Variants in PCLO observed in about 807,000 individuals in gnomAD.
PCLO encodes piccolo presynaptic cytomatrix protein, also known as protein piccolo.
Under a neutral mutation model 427.5 loss-of-function variants are expected in PCLO, and 82 were observed. That is an observed-to-expected ratio of 0.19 (90% CI 0.16 to 0.23). The LOEUF is 0.23. PCLO is among the 10% of genes least tolerant of loss of function. The pLI is 1.00. For missense variants in PCLO, 6,239 were observed against 6,115.9 expected, an observed-to-expected ratio of 1.02 and a Z score of -0.67; for synonymous variants, 2,357 against 2,155.4, an observed-to-expected ratio of 1.09 and a Z score of -2.59.
At chr7:83,001,126 T>G (rs1276138364) in intron 3 of PCLO, among the ~76,000 whole-genome samples, 3 of 152,050 alleles carry the variant, frequency 2.0e-5, no homozygotes, top group Admixed American at 2.0e-4. Context: ...TAACATCAAA[T>G]AAAATAAAAA....
Position 82,902,710 on chromosome 7 carries a change from T to C in PCLO, c.13469A>G (p.Tyr4490Cys). The change falls in exon 9 of 25, where the codon TAC (tyrosine) becomes TGC (cysteine). Residue 4490 changes from tyrosine to cysteine, a missense_variant. Tyr to Cys is a radical substitution (Grantham distance 194, BLOSUM62 -2). Transcript: ENST00000333891. ...IIQMNGKTMH[Y>C]IFPHARIKIT... ...TTTTATCCTTGCGTGAGGAAAGATG[T>C]AGTGCATAGTTTTCCCGTTCATCTG... 1 of 1,600,514 alleles carries C rather than the reference T, an allele frequency of 6.2e-7. No individual in the cohort carries two copies. Among genetic ancestry groups the C allele is most frequent in the Non-Finnish European group, 8.6e-7 (1 of 1,168,660 alleles).
At chr7:83,003,061 G>A (rs1190416513) in intron 3 of PCLO, among the ~76,000 whole-genome samples, 1 of 151,128 alleles carries the variant, frequency 6.6e-6, no homozygotes, top group Non-Finnish European at 1.5e-5. Flanking sequence ...CACATTTTAA[G>A]TGTTAAACTA....
chr7:82,770,105 A>G (rs1790618242), intron 22 of PCLO, among the ~76,000 whole-genome samples: 1 of 152,004 alleles, frequency 6.6e-6, no homozygotes, highest in South Asian at 2.1e-4. Context: ...TATTGTTTCT[A>G]TTCTACCAGT....
chr7:82,838,783 T>C (rs1274553784), intron 14 of PCLO, among the ~76,000 whole-genome samples: 1 of 151,998 alleles, frequency 6.6e-6, no homozygotes, highest in Non-Finnish European at 1.5e-5. Context: ...GGTGGAACTG[T>C]CATTTAAAGA....
At position 82,845,255 on chromosome 7, in the gene PCLO, C is replaced by T. The variant is rs2115804998; in HGVS notation, c.14046+16G>A. ...TAGAAAACAAGTGGGTCAGAGGTCA[C>T]ATCAACAATCCTCACCTTGCTGCTG... On this transcript the variant is annotated intron_variant, in intron 13 of 24. Coordinates refer to ENST00000333891, the MANE Select transcript of PCLO (RefSeq NM_033026.6). 2 of 1,596,258 alleles carry T rather than the reference C, an allele frequency of 1.3e-6. No homozygotes were observed. The highest frequency in any genetic ancestry group is 2.2e-5 in the South Asian group (2 of 90,676).
chr7:82,845,784 T>A (rs1326187517), intron 12 of PCLO, among the ~76,000 whole-genome samples: 1 of 152,182 alleles, frequency 6.6e-6, no homozygotes, highest in Non-Finnish European at 1.5e-5. Flanking sequence ...ATATCCTATT[T>A]TATCCATTGG....
intron 2 of PCLO, among the ~76,000 whole-genome samples, chr7:83,140,346 A>C (rs544935093): frequency 6.6e-6 from 1 of 152,278 alleles, no homozygotes; most frequent in African/African-American, 2.4e-5. Context: ...TCAATGCCTT[A>C]ATGCCTTTAT....
intron 10 of PCLO, among the ~76,000 whole-genome samples, chr7:82,871,015 G>A (rs993128030): frequency 6.6e-6 from 1 of 151,970 alleles, no homozygotes; most frequent in African/African-American, 2.4e-5. Flanking sequence ...TTGTGGCCAT[G>A]TAAATTAGTC....
chr7:83,053,189 C>CAA (rs1299350933), intron 3 of PCLO, among the ~76,000 whole-genome samples: 1 of 151,790 alleles, frequency 6.6e-6, no homozygotes, highest in Admixed American at 6.6e-5. Context: ...AGACACATCC[C>CAA]ATCTCCTTTT....
intron 16 of PCLO, among the ~76,000 whole-genome samples, chr7:82,833,324 G>C (rs978355478): frequency 1.3e-5 from 2 of 152,040 alleles, no homozygotes; most frequent in Admixed American, 1.3e-4. Flanking sequence ...TTTTCACTTC[G>C]CTCAACAGTG....
At chr7:83,065,855 T>A (rs1003774737) in intron 3 of PCLO, among the ~76,000 whole-genome samples, 1 of 152,132 alleles carries the variant, frequency 6.6e-6, no homozygotes, top group Admixed American at 6.5e-5. Context: ...GTAGCTGTGA[T>A]GAAATCTGGT....
chr7:82,823,673 TA>T (rs1339566666), intron 19 of PCLO, among the ~76,000 whole-genome samples: 2 of 152,138 alleles, frequency 1.3e-5, no homozygotes, highest in African/African-American at 2.4e-5. Flanking sequence ...TAATAGTTAT[TA>T]AAAAATTAGC....
intron 4 of PCLO, among the ~76,000 whole-genome samples, chr7:82,960,366 C>A (rs1356803027): frequency 6.6e-6 from 1 of 152,168 alleles, no homozygotes; most frequent in Non-Finnish European, 1.5e-5. Context: ...CTCCTCACTA[C>A]AGAAAACATT....
chr7:82,915,200 T>A lies in PCLO; in HGVS notation c.12786A>T (p.Thr4262=), dbSNP rs530751169. 38 of 1,611,156 alleles carry A rather than the reference T, an allele frequency of 2.4e-5. 2 individuals carry two copies. The South Asian group carries it at 4.1e-4, about 17-fold the overall frequency. The stretch of plus-strand genomic sequence containing the variant: ...TGGTATTTCCTAATGTGCCCAGTCC[T>A]GTGCCAAGAGAAGATCCCATAAATT... ...QQKFMGSSLG[T]GLGTLGNTIR... The change falls in exon 7 of 25, where the codon ACA becomes ACT. Residue 4262 remains threonine (T), a synonymous_variant. Coordinates refer to ENST00000333891, the MANE Select transcript of PCLO (RefSeq NM_033026.6).
intron 3 of PCLO, among the ~76,000 whole-genome samples, chr7:83,036,549 C>T (rs1788799703): frequency 6.6e-6 from 1 of 152,048 alleles, no homozygotes; most frequent in Non-Finnish European, 1.5e-5. Flanking sequence ...CAGTTGTCCT[C>T]ATGTATGTTA....
chr7:82,852,338 G>C (rs2115852717), intron 10 of PCLO, among the ~76,000 whole-genome samples: 1 of 152,212 alleles, frequency 6.6e-6, no homozygotes, highest in Non-Finnish European at 1.5e-5. Flanking sequence ...TAGTCAATGA[G>C]CTGGGAGAGG....
Position 82,951,141 on chromosome 7 carries a change from T to A in PCLO, c.9447A>T (p.Ala3149=). The A allele has an allele frequency of 6.2e-7, 1 of 1,613,808 alleles. No individual in the cohort carries two copies. The highest frequency in any genetic ancestry group is 8.5e-7 in the Non-Finnish European group (1 of 1,179,782). ...CAGTTACTGCAATGTCCGTTTCAGATGCACCTGTTGTTATAAAATATGATC... is the reference window on the plus strand; with the variant it reads ...CAGTTACTGCAATGTCCGTTTCAGAAGCACCTGTTGTTATAAAATATGATC... The part of the protein sequence containing the change: ...MPRSYFITTG[A]SETDIAVTGI... Residue 3149 remains alanine (A), a synonymous_variant, in exon 6 of 25, where the codon GCA becomes GCT. Transcript: ENST00000333891.
chr7:83,122,297 T>A (rs945990217), intron 3 of PCLO, among the ~76,000 whole-genome samples: 2 of 150,762 alleles, frequency 1.3e-5, no homozygotes, highest in Admixed American at 6.6e-5. Context: ...TTTTTTTTTT[T>A]TTTTTTTTTA....
At chr7:83,143,200 G>A (rs116088289) in intron 2 of PCLO, among the ~76,000 whole-genome samples, 2,247 of 152,218 alleles carry the variant, frequency 0.015, 79 homozygotes, top group African/African-American at 0.051. Flanking sequence ...TTTGATAACA[G>A]ATTATGTTTT....
Sources: allele counts gnomAD v4.1 joint callset (sites outside exome capture counted in the v4.1 genomes callset), GRCh38; gene constraint gnomAD v4.1.1; transcripts MANE v1.5; gene names NCBI Gene and HGNC (gene_info 2026-07-23, HGNC 2026-07-21).